CTNNA3: variants seen among roughly 807,000 people sequenced by gnomAD.
CTNNA3 encodes catenin alpha 3, also known as catenin alpha-3.
CTNNA3 carries 76 observed loss-of-function variants against 95.7 expected under a neutral mutation model. The observed-to-expected ratio is 0.79, with a 90% CI of 0.66 to 0.96. The LOEUF is 0.96. Among genes scored for constraint, CTNNA3 ranks in the 40% least tolerant of loss-of-function variants. The pLI, the probability that CTNNA3 is intolerant of heterozygous loss-of-function variation, is 0.00. For missense variants in CTNNA3, 1,191 were observed against 1,089.8 expected (o/e 1.09, Z -1.31); for synonymous variants, 431 against 374.4 (o/e 1.15, Z -1.74).
rs147168358 is a variant in CTNNA3 at position 65,970,122 on chromosome 10, T to C, written c.2266-3376A>G. Among the ~76,000 whole-genome samples the C allele has an allele frequency of 1.6e-4, 25 of 152,248 alleles. No individual in the cohort carries two copies. In the East Asian group the frequency reaches 4.4e-3, roughly 27 times the overall value. The stretch of plus-strand genomic sequence containing the variant: ...GCCGAGACAGATTGGAGGCCTATTT[T>C]CAGAATTCTTGAAGCAAAGAAATTT... On this transcript the variant is annotated intron_variant, in intron 16 of 17. Transcript: ENST00000433211.
intron 7 of CTNNA3, among the ~76,000 whole-genome samples, chr10:66,994,781 A>G (rs886309487): frequency 1.3e-5 from 2 of 152,334 alleles, no homozygotes; most frequent in South Asian, 2.1e-4. Flanking sequence ...TTGTATATCT[A>G]ATAATTATTG....
intron 10 of CTNNA3, among the ~76,000 whole-genome samples, chr10:66,607,465 A>G (rs1844166009): frequency 7.2e-6 from 1 of 139,842 alleles, no homozygotes. Flanking sequence ...AACCAGGCAG[A>G]GACAACCAAA....
intron 13 of CTNNA3, among the ~76,000 whole-genome samples, chr10:66,208,279 G>T (rs1189506565): frequency 6.6e-6 from 1 of 151,944 alleles, no homozygotes. Flanking sequence ...GAAACGAAAA[G>T]AATTCTAAAC....
rs1841401275 is a variant in CTNNA3, at chr10:67,750,518, T to C, written c.-2+12916A>G. 2.5e-6 allele frequency: 4 copies of C among 1,574,666 alleles called. No homozygotes were observed. In the African/African-American group the frequency reaches 4.1e-5, roughly 16 times the overall value. ...GGAGGACCTCTTCATCATCAACAAG[T>C]TGTGGCCCACTTTCTTTGAGAGACC... On this transcript the variant is annotated intron_variant, in intron 1 of 17. Transcript: ENST00000684154.
chr10:66,058,391 C>T (rs1269162983), intron 15 of CTNNA3, among the ~76,000 whole-genome samples: 2 of 152,210 alleles, frequency 1.3e-5, no homozygotes, highest in Non-Finnish European at 2.9e-5. Context: ...GCACAGGGTA[C>T]AAAATAAGTT....
intron 11 of CTNNA3, among the ~76,000 whole-genome samples, chr10:66,449,086 A>C (rs1035122537): frequency 1.2e-4 from 18 of 152,160 alleles, no homozygotes; most frequent in Admixed American, 8.5e-4. Context: ...GTAATTATAT[A>C]AAAAAAGCAA....
intron 3 of CTNNA3, among the ~76,000 whole-genome samples, chr10:67,586,987 T>A (rs1164889976): frequency 1.3e-5 from 2 of 152,124 alleles, no homozygotes; most frequent in Admixed American, 6.6e-5. Flanking sequence ...CTTTTAATGT[T>A]TTTCATGATG....
intron 7 of CTNNA3, among the ~76,000 whole-genome samples, chr10:66,915,193 A>AG (rs200585667): frequency 0.092 from 12,386 of 134,354 alleles, 615 homozygotes; most frequent in African/African-American, 0.19. Context: ...AAAACTAACG[A>AG]AAAAAAAAAA....
intron 7 of CTNNA3, among the ~76,000 whole-genome samples, chr10:66,780,645 T>G (rs553307239): frequency 1.3e-5 from 2 of 152,216 alleles, no homozygotes; most frequent in Non-Finnish European, 2.9e-5. Context: ...CTTAATTACT[T>G]ACCTGAATGT....
chr10:66,219,173 T>C (rs2088756910), intron 13 of CTNNA3, among the ~76,000 whole-genome samples: 1 of 152,118 alleles, frequency 6.6e-6, no homozygotes, highest in Non-Finnish European at 1.5e-5. Flanking sequence ...TATAGTGAAA[T>C]TCTAGATTAT....
chr10:66,194,169 T>C (rs1414607115), intron 13 of CTNNA3, among the ~76,000 whole-genome samples: 10 of 152,144 alleles, frequency 6.6e-5, no homozygotes, highest in Non-Finnish European at 1.2e-4. Context: ...GAGACACTTT[T>C]TAAAACAGCA....
chr10:67,680,834 G>C (rs1444114733), intron 1 of CTNNA3, among the ~76,000 whole-genome samples: 1 of 152,124 alleles, frequency 6.6e-6, no homozygotes, highest in Non-Finnish European at 1.5e-5. Context: ...AAATCCAAAA[G>C]AGCAGTATAG....
intron 7 of CTNNA3, among the ~76,000 whole-genome samples, chr10:67,178,717 A>T (rs1343389263): frequency 6.6e-6 from 1 of 152,136 alleles, no homozygotes; most frequent in Non-Finnish European, 1.5e-5. Context: ...TGTATATATA[A>T]CTTTACTATA....
At chr10:67,453,798 T>C (rs916034322) in intron 5 of CTNNA3, among the ~76,000 whole-genome samples, 2 of 152,310 alleles carry the variant, frequency 1.3e-5, no homozygotes, top group East Asian at 1.9e-4. Flanking sequence ...CCGTATTATG[T>C]AGAGTTTCCT....
chr10:66,721,447 A>T (rs1392977428), intron 9 of CTNNA3, among the ~76,000 whole-genome samples: 1 of 152,190 alleles, frequency 6.6e-6, no homozygotes, highest in African/African-American at 2.4e-5. Context: ...AGAAACATTT[A>T]TTAGGAGTAT....
chr10:66,550,769 G>C (rs898503786), intron 10 of CTNNA3, among the ~76,000 whole-genome samples: 1 of 149,956 alleles, frequency 6.7e-6, no homozygotes, highest in Non-Finnish European at 1.5e-5. Context: ...CTGTCTACTG[G>C]CTGACTTTTT....
chr10:66,311,678 C>T (rs972102061), intron 12 of CTNNA3, among the ~76,000 whole-genome samples: 2 of 152,164 alleles, frequency 1.3e-5, no homozygotes, highest in Non-Finnish European at 2.9e-5. Flanking sequence ...ACAGTAATGC[C>T]AGAAGTTTTA....
At position 66,225,311 on chromosome 10, in the gene CTNNA3, A is replaced by G. The variant is rs527439368; in HGVS notation, c.1884+55159T>C. On this transcript the variant is annotated intron_variant, in intron 13 of 17. Transcript: ENST00000433211. Reference sequence around the variant, plus strand: ...TATGTGATATTAATCTTTCTGTGCTAGACTTATTTTGCATAACATAATCCC... The same window carrying G: ...TATGTGATATTAATCTTTCTGTGCTGGACTTATTTTGCATAACATAATCCC... 4.6e-5 allele frequency among the ~76,000 whole-genome samples: 7 copies of G among 150,574 alleles called. No individual in the cohort carries two copies. In the South Asian group the frequency reaches 1.5e-3, roughly 32 times the overall value.
At chr10:67,038,127 G>A (rs1205337477) in intron 7 of CTNNA3, among the ~76,000 whole-genome samples, 1 of 152,072 alleles carries the variant, frequency 6.6e-6, no homozygotes, top group Non-Finnish European at 1.5e-5. Flanking sequence ...GTATTGTAGA[G>A]CAAGCATTTC....
Sources: gnomAD v4.1 joint callset for allele counts (sites outside exome capture counted in the v4.1 genomes callset) on GRCh38, gnomAD v4.1.1 for gene constraint, MANE v1.5 for transcripts, NCBI Gene and HGNC (gene_info 2026-07-23, HGNC 2026-07-21) for gene names.